PLCZ1: variants seen among roughly 807,000 people sequenced by gnomAD.
PLCZ1 encodes the protein phospholipase C zeta 1, also known as 1-phosphatidylinositol 4,5-bisphosphate phosphodiesterase zeta-1.
Under a neutral mutation model 76.8 loss-of-function variants are expected in PLCZ1, and 64 were observed. The ratio of observed to expected loss-of-function variants is 0.83; its 90% CI spans 0.68 to 1.03. PLCZ1 has a LOEUF of 1.03. Ranked by LOEUF, PLCZ1 falls within the 50% of genes least tolerant of loss-of-function variation. The pLI is 0.00. For synonymous variants in PLCZ1, 248 were observed against 230.8 expected, an observed-to-expected ratio of 1.07 and a Z score of -0.68; for missense variants, 751 against 713.7, an observed-to-expected ratio of 1.05 and a Z score of -0.60.
chr12:18,727,283 G>C (rs914237539), intron 3 of PLCZ1, among the ~76,000 whole-genome samples: 1 of 152,090 alleles, frequency 6.6e-6, no homozygotes, highest in African/African-American at 2.4e-5. Context: ...AGGAGTCCAG[G>C]GCTAGAGTGA....
chr12:18,715,030 C>A (rs11044264), intron 5 of PLCZ1: 138,696 of 151,566 alleles, frequency 0.92, 63,530 homozygotes, highest in East Asian at 0.99. Flanking sequence ...TCTTCTTTGG[C>A]GATCATATGC....
At chr12:18,661,078 G>A in the PLCZ1 span, among the ~76,000 whole-genome samples, 1 of 152,124 alleles carries the variant, frequency 6.6e-6, no homozygotes, top group Non-Finnish European at 1.5e-5. Flanking sequence ...TGATGAACTT[G>A]AGGACAGAAC....
At chr12:18,653,366 C>T in the PLCZ1 span, among the ~76,000 whole-genome samples, 2 of 152,078 alleles carry the variant, frequency 1.3e-5, no homozygotes, top group African/African-American at 4.8e-5. Flanking sequence ...ACAAATGTTA[C>T]AAATTTATGT....
chr12:18,693,304 T>A (rs1325086802), intron 12 of PLCZ1: 1 of 1,531,700 alleles, frequency 6.5e-7, no homozygotes, highest in East Asian at 2.3e-5. Flanking sequence ...GTGATGAAGG[T>A]GGAAAAGGCC....
intron 9 of PLCZ1, among the ~76,000 whole-genome samples, chr12:18,700,573 T>C (rs1418811522): frequency 6.8e-6 from 1 of 147,118 alleles, no homozygotes; most frequent in African/African-American, 2.5e-5. Context: ...TCCACTGGAT[T>C]TGAAGCTGAA....
chr12:18,737,383 C>T lies in PLCZ1; in HGVS notation c.-12G>A, dbSNP rs769015673. ...TATCTCATTTCCATAGTTTCATGAC[C>T]TGTAGAGCCGTTTCTCCTCACTTAG... On this transcript the variant is annotated 5_prime_UTR_variant, in exon 2 of 15. Transcript: ENST00000266505. 2 of 1,613,852 alleles carry T rather than the reference C, an allele frequency of 1.2e-6. No individual in the cohort carries two copies. The highest frequency in any genetic ancestry group is 1.7e-6 in the Non-Finnish European group (2 of 1,179,782).
chr12:18,685,601 C>T, intron 13 of PLCZ1: 1 of 514,192 alleles, frequency 1.9e-6, no homozygotes, highest in South Asian at 1.4e-5. Flanking sequence ...GCAGTCTATG[C>T]CCACAGAAAT....
intron 12 of PLCZ1, chr12:18,692,738 A>G: frequency 1.0e-6 from 1 of 971,180 alleles, no homozygotes; most frequent in South Asian, 1.4e-5. Context: ...AAAAAATGTT[A>G]AAAGCTCTCC....
Position 18,693,361 on chromosome 12 carries a change from G to T in PLCZ1, c.1461+1549C>A, listed in dbSNP as rs908943887. 5.0e-6 allele frequency: 8 copies of T among 1,600,242 alleles called. No individual in the cohort carries two copies. The African/African-American group carries it at 5.4e-5, about 11-fold the overall frequency. ...ACTGGGGGGTTGGACAACCAAATTC[G>T]GGAAATTAAGGAATCTGTGGAGCTT... On this transcript the variant is annotated intron_variant, in intron 12 of 14. Transcript: ENST00000266505.
chr12:18,671,670 A>G, the PLCZ1 span, among the ~76,000 whole-genome samples: 2 of 152,222 alleles, frequency 1.3e-5, no homozygotes, highest in Non-Finnish European at 2.9e-5. Flanking sequence ...TCATTATTGC[A>G]GACAATTTAT....
chr12:18,666,010 A>G, the PLCZ1 span, among the ~76,000 whole-genome samples: 1 of 151,884 alleles, frequency 6.6e-6, no homozygotes, highest in Non-Finnish European at 1.5e-5. Flanking sequence ...AAGTCTTCGT[A>G]TACTATTAAA....
At chr12:18,698,897 A>G (rs1426624883) in intron 10 of PLCZ1, among the ~76,000 whole-genome samples, 3 of 152,132 alleles carry the variant, frequency 2.0e-5, no homozygotes, top group Non-Finnish European at 2.9e-5. Context: ...TTTTGTATCC[A>G]TTATTGTCCT....
the PLCZ1 span, among the ~76,000 whole-genome samples, chr12:18,659,663 C>CTTTTTTTTTTTT: frequency 2.2e-5 from 3 of 133,780 alleles, no homozygotes; most frequent in Non-Finnish European, 4.8e-5. Flanking sequence ...GTTCTCCATT[C>CTTTTTTTTTTTT]TTTTTTTTTT....
intron 6 of PLCZ1, among the ~76,000 whole-genome samples, chr12:18,709,747 A>G (rs1303853720): frequency 1.3e-5 from 2 of 152,086 alleles, no homozygotes; most frequent in African/African-American, 4.8e-5. Context: ...ATTGCTTTAG[A>G]CAGCATGAAC....
At chr12:18,683,030 A>G, downstream of PLCZ1, 1 of 552,012 alleles carries the variant, frequency 1.8e-6, no homozygotes, top group East Asian at 3.1e-5. Flanking sequence ...AGCAAACAAG[A>G]ACGCCATGCT....
Position 18,712,897 on chromosome 12 carries a change from G to T in PLCZ1, c.659C>A (p.Thr220Lys). Reference protein sequence around the residue: ...EPVVYHGYTLTSKLLFKTVIQ... With the variant: ...EPVVYHGYTLKSKLLFKTVIQ... ...AACAGTTTTAAACAGAAGTTTGCTT[G>T]TGAGTGTGTAGCCATGATATACAAC... The change falls in exon 6 of 15, where the codon ACA (threonine) becomes AAA (lysine). Residue 220 changes from threonine (T) to lysine (K), a missense_variant. Transcript: ENST00000266505. The T allele has an allele frequency of 1.9e-6, 3 of 1,613,962 alleles. No homozygotes were observed. The highest frequency in any genetic ancestry group is 2.5e-6 in the Non-Finnish European group (3 of 1,179,858).
intron 3 of PLCZ1, among the ~76,000 whole-genome samples, chr12:18,729,807 TC>T (rs1294021992): frequency 2.0e-5 from 3 of 152,052 alleles, no homozygotes; most frequent in African/African-American, 7.2e-5. Flanking sequence ...AGAAAGAAGT[TC>T]AGAATATATT....
At chr12:18,700,738 A>T (rs949929363) in intron 9 of PLCZ1, among the ~76,000 whole-genome samples, 1 of 152,022 alleles carries the variant, frequency 6.6e-6, no homozygotes, top group South Asian at 2.1e-4. Flanking sequence ...CTTTTCATCT[A>T]TGTAGGCCAA....
rs1954737896 is a variant in PLCZ1 at position 18,694,915 on chromosome 12, T to C, written c.1456A>G (p.Ile486Val). ...AGAAAATTTATTAATCTTACCCTTATTGTAAGTGTAATTGGCATACCCTCT... is the reference window on the plus strand; with the variant it reads ...AGAAAATTTATTAATCTTACCCTTACTGTAAGTGTAATTGGCATACCCTCT... ...IKEGMPITLT[I>V]RLISGIQLPL... is the part of the protein sequence containing the mutation. The change falls in exon 12 of 15, where the codon ATA becomes GTA. Residue 486 changes from isoleucine to valine, a missense_variant. Coordinates refer to ENST00000266505, the MANE Select transcript of PLCZ1 (RefSeq NM_033123.4). The C allele has an allele frequency of 1.9e-6, 3 of 1,586,758 alleles. No individual in the cohort carries two copies. In the African/African-American group the frequency reaches 4.0e-5, roughly 21 times the overall value.
Sources: gnomAD v4.1 joint callset for allele counts (sites outside exome capture counted in the v4.1 genomes callset) on GRCh38, gnomAD v4.1.1 for gene constraint, MANE v1.5 for transcripts, NCBI Gene and HGNC (gene_info 2026-07-23, HGNC 2026-07-21) for gene names.